The following SLC4A8 variants were observed in gnomAD, a reference collection of about 807,000 sequenced individuals.
SLC4A8 encodes solute carrier family 4 member 8.
A neutral mutation model predicts 125.0 loss-of-function variants in SLC4A8; 40 were observed. The ratio of observed to expected loss-of-function variants is 0.32; its 90% CI spans 0.25 to 0.42. SLC4A8 has a LOEUF of 0.42. Among genes scored for constraint, SLC4A8 ranks in the 10% least tolerant of loss-of-function variants. The pLI is 1.00. For synonymous variants in SLC4A8, 456 were observed against 476.0 expected, an observed-to-expected ratio of 0.96 and a Z score of 0.55; for missense variants, 863 against 1,355.1, an observed-to-expected ratio of 0.64 and a Z score of 5.70.
chr12:51,498,879 CAAAA>C (rs1179044009), intron 22 of SLC4A8, among the ~76,000 whole-genome samples: 1 of 35,902 alleles, frequency 2.8e-5, no homozygotes, highest in Non-Finnish European at 4.4e-5. Flanking sequence ...GATCCTGTCT[CAAAA>C]AAAAAAAAAA....
chr12:51,403,048 A>C (rs1028078731), intron 1 of SLC4A8: 24 of 370,854 alleles, frequency 6.5e-5, no homozygotes, highest in African/African-American at 4.7e-4. Context: ...TAAGTTGTTT[A>C]GCCTGTTTTC....
chr12:51,443,185 A>C (rs1949655971), intron 2 of SLC4A8, among the ~76,000 whole-genome samples: 1 of 152,112 alleles, frequency 6.6e-6, no homozygotes, highest in Non-Finnish European at 1.5e-5. Flanking sequence ...GCAGTGACCC[A>C]GTCTTAGCCC....
Position 51,475,032 on chromosome 12 carries a change from C to T in SLC4A8, c.2011-13C>T, listed in dbSNP as rs763741910. ...TGTCTGCCTTTCATCACCCAGAATG[C>T]TTATTCCTCCAGGAATGCCAGGAGA... On this transcript the variant is annotated splice_polypyrimidine_tract_variant and intron_variant, in intron 15 of 24. Coordinates refer to ENST00000453097, the MANE Select transcript of SLC4A8 (RefSeq NM_001039960.3). 1.9e-6 allele frequency: 3 copies of T among 1,612,248 alleles called. No homozygotes were observed. Among genetic ancestry groups the T allele is most frequent in the East Asian group, 4.5e-5 (2 of 44,868 alleles).
Position 51,462,379 on chromosome 12 carries a change from G to C in SLC4A8, c.1171G>C (p.Asp391His). Residue 391 changes from aspartate (D) to histidine (H), a missense_variant, in exon 10 of 25, where the codon GAC (aspartate) becomes CAC (histidine). By Grantham distance (81) the Asp-to-His change is moderately conservative (BLOSUM62 -1). Around this residue, in one of 6 missense-constraint regions of SLC4A8, gnomAD observed 390 missense variants for 634.4 expected, o/e 0.61. Coordinates refer to ENST00000453097, the MANE Select transcript of SLC4A8 (RefSeq NM_001039960.3). Reference sequence around the variant, plus strand: ...CCTGGCGGGGATTGATGAGTTCCTAGACCAGGTGACGGTGCTCCCTCCAGG... The same window carrying C: ...CCTGGCGGGGATTGATGAGTTCCTACACCAGGTGACGGTGCTCCCTCCAGG... The part of the protein sequence containing the change: ...DLLAGIDEFL[D>H]QVTVLPPGEW... 1.9e-6 allele frequency: 3 copies of C among 1,613,118 alleles called. No individual in the cohort carries two copies. The highest frequency in any genetic ancestry group is 1.7e-6 in the Non-Finnish European group (2 of 1,179,620).
intron 17 of SLC4A8, among the ~76,000 whole-genome samples, chr12:51,487,800 A>G (rs1302588716): frequency 1.3e-5 from 2 of 152,214 alleles, no homozygotes; most frequent in East Asian, 1.9e-4. Context: ...TTCACTATTG[A>G]TGGGAGAAGC....
At chr12:51,478,761 C>T (rs10876184) in intron 16 of SLC4A8, among the ~76,000 whole-genome samples, 56,989 of 152,090 alleles carry the variant, frequency 0.37, 10,997 homozygotes, top group East Asian at 0.45. Flanking sequence ...TGAAATATAG[C>T]ACAAACATTG....
At chr12:51,449,583 A>AGCAGT (rs1399326960) in intron 2 of SLC4A8, among the ~76,000 whole-genome samples, 1 of 152,194 alleles carries the variant, frequency 6.6e-6, no homozygotes, top group Non-Finnish European at 1.5e-5. Flanking sequence ...AGTGCTGAGC[A>AGCAGT]GCAGTAACCA....
chr12:51,457,105 T>C (rs1408626858), intron 5 of SLC4A8, among the ~76,000 whole-genome samples: 1 of 152,222 alleles, frequency 6.6e-6, no homozygotes, highest in East Asian at 1.9e-4. Context: ...TTGTAAAAAT[T>C]GTTGTACTAG....
At chr12:51,484,476 G>A (rs955095136) in intron 16 of SLC4A8, among the ~76,000 whole-genome samples, 13 of 152,236 alleles carry the variant, frequency 8.5e-5, no homozygotes, top group African/African-American at 3.1e-4. Context: ...TGGGCCCCAG[G>A]ATGGTCAAGT....
intron 1 of SLC4A8, among the ~76,000 whole-genome samples, chr12:51,404,423 A>G (rs1249106759): frequency 2.0e-5 from 3 of 152,158 alleles, no homozygotes; most frequent in African/African-American, 7.2e-5. Flanking sequence ...AGCGCCAGCC[A>G]GGTGAATCTT....
intron 23 of SLC4A8, among the ~76,000 whole-genome samples, chr12:51,505,504 C>T (rs1162879269): frequency 6.6e-6 from 1 of 152,222 alleles, no homozygotes; most frequent in Non-Finnish European, 1.5e-5. Context: ...AGTGGTAGTT[C>T]CTGATGCTAC....
At chr12:51,495,430 C>A (rs1247062529) in intron 21 of SLC4A8, among the ~76,000 whole-genome samples, 1 of 148,348 alleles carries the variant, frequency 6.7e-6, no homozygotes, top group Non-Finnish European at 1.5e-5. Flanking sequence ...AGAATTTGTC[C>A]TTTTGTGACT....
intron 5 of SLC4A8, among the ~76,000 whole-genome samples, chr12:51,455,696 G>A (rs1216551511): frequency 6.6e-6 from 1 of 152,172 alleles, no homozygotes; most frequent in Non-Finnish European, 1.5e-5. Context: ...TCTATTTCAA[G>A]TATCCAAGTC....
chr12:51,406,006 C>A (rs1948479443), intron 1 of SLC4A8, among the ~76,000 whole-genome samples: 1 of 152,148 alleles, frequency 6.6e-6, no homozygotes, highest in Non-Finnish European at 1.5e-5. Flanking sequence ...CTGTCTGGTT[C>A]CCTGGAGATA....
At chr12:51,433,861 T>TG (rs1565772163) in intron 1 of SLC4A8, among the ~76,000 whole-genome samples, 9 of 68,964 alleles carry the variant, frequency 1.3e-4, no homozygotes, top group African/African-American at 1.9e-4. Flanking sequence ...GTTTTTTTTT[T>TG]TTTTTTTTTT....
At chr12:51,409,314 G>A (rs1192001927) in intron 1 of SLC4A8, among the ~76,000 whole-genome samples, 1 of 152,068 alleles carries the variant, frequency 6.6e-6, no homozygotes, top group Admixed American at 6.5e-5. Flanking sequence ...CACACTATTT[G>A]TTGTTTGCTA....
At chr12:51,438,285 C>G (rs973594351) in intron 1 of SLC4A8, among the ~76,000 whole-genome samples, 2 of 152,100 alleles carry the variant, frequency 1.3e-5, no homozygotes, top group Admixed American at 1.3e-4. Flanking sequence ...CACTTCTCCC[C>G]CTTGCCTTCC....
Position 51,509,476 on chromosome 12 carries a change from C to G in SLC4A8, c.*2038C>G, listed in dbSNP as rs943050790. On this transcript the variant is annotated 3_prime_UTR_variant, in exon 25 of 25. Transcript: ENST00000453097. ...TCCCTTGTCCCTCTCTGGCTGCCTC[C>G]TTGAGCTTGCCACTTTTTCATCTTC... 2 of 152,242 alleles carry G rather than the reference C, an allele frequency of 1.3e-5. No individual in the cohort carries two copies. Among genetic ancestry groups the G allele is most frequent in the African/African-American group, 4.8e-5 (2 of 41,464 alleles). The allele number at this position is 152,242 out of a possible 1,614,324, so 9.4% of individuals were successfully genotyped here.
chr12:51,489,414 A>G (rs1951246776), intron 18 of SLC4A8, among the ~76,000 whole-genome samples: 1 of 152,204 alleles, frequency 6.6e-6, no homozygotes, highest in African/African-American at 2.4e-5. Context: ...TGTCTGGTTA[A>G]TCTTCCAGAG....
Sources: allele counts gnomAD v4.1 joint callset (sites outside exome capture counted in the v4.1 genomes callset), GRCh38; gene constraint gnomAD v4.1.1; regional missense constraint gnomAD v4.1.1; transcripts MANE v1.5; gene names NCBI Gene and HGNC (gene_info 2026-07-23, HGNC 2026-07-21).